The following SLC7A9 variants were observed in gnomAD, a reference collection of about 807,000 sequenced individuals.
SLC7A9 encodes solute carrier family 7 member 9, also known as B(0,+)-type amino acid transporter 1.
Under a neutral mutation model 54.1 loss-of-function variants are expected in SLC7A9, and 38 were observed. That is an observed-to-expected ratio of 0.70 (90% CI 0.54 to 0.92). SLC7A9 has a LOEUF of 0.92. Ranked by LOEUF, SLC7A9 falls within the 40% of genes least tolerant of loss-of-function variation. The pLI, the probability that SLC7A9 is intolerant of heterozygous loss-of-function variation, is 0.00. For synonymous variants in SLC7A9, 264 were observed against 258.9 expected, an observed-to-expected ratio of 1.02 and a Z score of -0.19; for missense variants, 537 against 636.1, an observed-to-expected ratio of 0.84 and a Z score of 1.68.
In SLC7A9 at chr19:32,867,430, T is replaced by C. The variant is rs192301480; in HGVS notation, c.87+1018A>G. ...TACTCAGGAGGCTGAGGCAGGAGGA[T>C]TGCTTGAGTCCAGGAGGTTGACGCT... On this transcript the variant is annotated intron_variant, in intron 2 of 12. Transcript: ENST00000023064. Among the ~76,000 whole-genome samples the C allele has an allele frequency of 1.5e-3, 222 of 151,946 alleles. 1 individual carries two copies. The highest frequency in any genetic ancestry group is 5.2e-3 in the African/African-American group (214 of 41,418).
chr19:32,862,484 C>CTGA lies in SLC7A9; in HGVS notation c.578_580dup (p.Ile193dup). ...ACCTTGGGCCAGGAGCACCAGCCCG[C>CTGA]TGATGATGATGATGGCCACGATCAC... is the stretch of plus-strand genomic sequence containing the variant. On this transcript the variant is annotated inframe_insertion, in exon 5 of 13. Coordinates refer to ENST00000023064, the MANE Select transcript of SLC7A9 (RefSeq NM_014270.5). 1.9e-6 allele frequency: 3 copies of CTGA among 1,612,206 alleles called. No homozygotes were observed. Among genetic ancestry groups the CTGA allele is most frequent in the Non-Finnish European group, 2.5e-6 (3 of 1,179,170 alleles).
At chr19:32,866,591 C>G (rs542485611) in intron 2 of SLC7A9, among the ~76,000 whole-genome samples, 25 of 152,334 alleles carry the variant, frequency 1.6e-4, no homozygotes, top group Admixed American at 3.3e-4. Flanking sequence ...CACCTGTCCC[C>G]AGCTCAGAAG....
intron 2 of SLC7A9, among the ~76,000 whole-genome samples, chr19:32,865,122 T>A (rs1200340618): frequency 1.3e-5 from 2 of 152,092 alleles, no homozygotes; most frequent in Non-Finnish European, 2.9e-5. Context: ...CGTGATCCTG[T>A]GCCCTCAATG....
chr19:32,834,192 T>C lies in SLC7A9; in HGVS notation c.1225-869A>G, dbSNP rs538026226. 6.6e-5 allele frequency among the ~76,000 whole-genome samples: 10 copies of C among 152,340 alleles called. 1 individual carries two copies. Among genetic ancestry groups the C allele is most frequent in the African/African-American group, 1.9e-4 (8 of 41,586 alleles). On this transcript the variant is annotated intron_variant, in intron 11 of 12. Transcript: ENST00000023064. ...CTGGGCCCTGGGAATGGGACGCCAG[T>C]GCTCTTCAAAAGCCTCTTTGTTTTC... is the stretch of plus-strand genomic sequence containing the variant.
At chr19:32,833,015 G>A in intron 12 of SLC7A9, 134 bp downstream of exon 12, 1 of 884,868 alleles carries the variant, frequency 1.1e-6, no homozygotes, top group Non-Finnish European at 1.9e-6. Flanking sequence ...GCGTGGGCAT[G>A]TGTCCTCCTG....
intron 11 of SLC7A9, among the ~76,000 whole-genome samples, chr19:32,841,922 C>A (rs9304838): frequency 1.3e-5 from 2 of 151,924 alleles, no homozygotes; most frequent in African/African-American, 4.8e-5. Context: ...AAATGAGAGC[C>A]AGGTGGACCT....
intron 11 of SLC7A9, among the ~76,000 whole-genome samples, chr19:32,837,289 G>A (rs896550251): frequency 6.6e-6 from 1 of 152,088 alleles, no homozygotes; most frequent in Non-Finnish European, 1.5e-5. Flanking sequence ...TGAGCCAGGA[G>A]TTCAAGACCA....
chr19:32,844,928 C>A (rs1181582361), intron 9 of SLC7A9, among the ~76,000 whole-genome samples: 1 of 137,094 alleles, frequency 7.3e-6, no homozygotes, highest in African/African-American at 2.8e-5. Context: ...AATTTGGGAG[C>A]CCGAGGCAGG....
intron 11 of SLC7A9, among the ~76,000 whole-genome samples, chr19:32,837,745 G>A (rs534506880): frequency 3.3e-5 from 5 of 152,144 alleles, no homozygotes; most frequent in African/African-American, 7.2e-5. Context: ...CTTTCAGTAC[G>A]CCTACACGTG....
chr19:32,859,409 G>A lies in SLC7A9; in HGVS notation c.873+432C>T, dbSNP rs115979441. On this transcript the variant is annotated intron_variant, in intron 8 of 12. Transcript: ENST00000023064. ...TGACCTCAACACTTATCCAAACTGC[G>A]TCTCCTCCACCTTCCAAATCCCCAA... Among the ~76,000 whole-genome samples, 624 of 151,778 alleles carry A rather than the reference G, an allele frequency of 4.1e-3. 4 individuals carry two copies. The highest frequency in any genetic ancestry group is 0.014 in the African/African-American group (582 of 41,380).
intron 3 of SLC7A9, 113 bp downstream of exon 3, chr19:32,864,516 G>C (rs913620534): frequency 6.5e-7 from 1 of 1,531,498 alleles, no homozygotes; most frequent in Non-Finnish European, 8.9e-7. Flanking sequence ...ACACCTGTTT[G>C]CCATACATGT....
Position 32,844,067 on chromosome 19 carries a change from G to GCTGAGCAGGGAC in SLC7A9, c.978-128_978-117dup, listed in dbSNP as rs1968209080. 7.9e-6 allele frequency: 6 copies of GCTGAGCAGGGAC among 761,292 alleles called. No homozygotes were observed. In the South Asian group the frequency reaches 8.7e-5, roughly 11 times the overall value. The allele number at this position is 761,292 out of a possible 1,614,324, so 47.2% of individuals were successfully genotyped here. The stretch of plus-strand genomic sequence containing the variant: ...AGCCCTCGGGAGGCTCAGGAAGGGA[G>GCTGAGCAGGGAC]CTGAGCAGGGACCTGAGCTTCAGAT... On this transcript the variant is annotated intron_variant, in intron 9 of 12. Coordinates refer to ENST00000023064, the MANE Select transcript of SLC7A9 (RefSeq NM_014270.5).
rs768466784 is a variant in SLC7A9 at position 32,843,937 on chromosome 19, G to A, written c.992C>T (p.Ala331Val). ...TTTGAGCATGTGACCCTCCCGGCCC[G>A]CCACGTAAATGAGTCTGGAAAATAA... ...CFTAGRLIYV[A>V]GREGHMLKVL... Residue 331 changes from alanine to valine, a missense_variant, in exon 10 of 13, where the codon GCG becomes GTG. Physicochemically the swap from Ala to Val is moderately conservative, Grantham distance 64 (BLOSUM62 0). Transcript: ENST00000023064. The A allele has an allele frequency of 8.1e-6, 13 of 1,613,134 alleles. No individual in the cohort carries two copies. The highest frequency in any genetic ancestry group is 2.2e-5 in the South Asian group (2 of 91,028).
At position 32,844,857 on chromosome 19, in the gene SLC7A9, C is replaced by CAAAAAAAAAAAAAAAAA. The variant is rs386388892; in HGVS notation, c.978-923_978-907dup. 3.3e-4 allele frequency among the ~76,000 whole-genome samples: 10 copies of CAAAAAAAAAAAAAAAAA among 30,314 alleles called. 1 individual carries two copies. Among genetic ancestry groups the CAAAAAAAAAAAAAAAAA allele is most frequent in the Middle Eastern group, 0.12 (1 of 8 alleles). The allele number at this position is 30,314 out of a possible 152,430, so 19.9% of individuals were successfully genotyped here. Reference sequence around the variant, plus strand: ...TGGACGACAGAGTGAGAATCCATCTCAAAAAAAAAAAAAAAAAAAAAAAAA... The same window carrying CAAAAAAAAAAAAAAAAA: ...TGGACGACAGAGTGAGAATCCATCTCAAAAAAAAAAAAAAAAAAAAAAAAAAAAAAAAAAAAAAAAAA... On this transcript the variant is annotated intron_variant, in intron 9 of 12. Transcript: ENST00000023064.
At chr19:32,840,984 T>C in intron 11 of SLC7A9, among the ~76,000 whole-genome samples, 1 of 152,180 alleles carries the variant, frequency 6.6e-6, no homozygotes. Flanking sequence ...AGGGATTTTG[T>C]GCAGATTACA....
chr19:32,847,873 G>T (rs1968347170), intron 9 of SLC7A9, among the ~76,000 whole-genome samples: 2 of 152,150 alleles, frequency 1.3e-5, no homozygotes, highest in Non-Finnish European at 2.9e-5. Flanking sequence ...GAGAGTGGGG[G>T]CCAACATTCA....
chr19:32,860,682 C>A, intron 6 of SLC7A9, 32 bp from the exon 7 acceptor site: 1 of 1,613,758 alleles, frequency 6.2e-7, no homozygotes, highest in Non-Finnish European at 8.5e-7. Flanking sequence ...GCGTCACACA[C>A]CTTGACTTTC....
intron 8 of SLC7A9, among the ~76,000 whole-genome samples, chr19:32,858,768 C>CTTTACTTATTTATTTA (rs1968705001): frequency 2.0e-5 from 3 of 148,534 alleles, no homozygotes; most frequent in Non-Finnish European, 3.0e-5. Context: ...TGGCATAAAT[C>CTTTACTTATTTATTTA]TTTATTTATT....
chr19:32,852,294 C>T (rs1968493169), intron 9 of SLC7A9, among the ~76,000 whole-genome samples: 1 of 151,902 alleles, frequency 6.6e-6, no homozygotes, highest in African/African-American at 2.4e-5. Flanking sequence ...AGTTTGAGAC[C>T]AGCTTGGGCA....
Sources: allele counts gnomAD v4.1 joint callset (sites outside exome capture counted in the v4.1 genomes callset), GRCh38; gene constraint gnomAD v4.1.1; transcripts MANE v1.5; gene names NCBI Gene and HGNC (gene_info 2026-07-23, HGNC 2026-07-21).